Variants in SORCS2 observed in about 807,000 individuals in gnomAD.
SORCS2 encodes the protein VPS10 domain-containing receptor SorCS2.
SORCS2 carries 100 observed loss-of-function variants against 141.6 expected under a neutral mutation model. That is an observed-to-expected ratio of 0.71 (90% CI 0.60 to 0.83). SORCS2 has a LOEUF of 0.83. SORCS2 is among the 40% of genes least tolerant of loss of function. The probability of loss-of-function intolerance (pLI) is 0.00; values close to 1 mark genes in which losing one functional copy is unlikely to be tolerated. For synonymous variants in SORCS2, 789 were observed against 676.9 expected (o/e 1.17, Z -2.57); for missense variants, 1,646 against 1,560.2 (o/e 1.05, Z -0.93).
At chr4:7,676,632 T>TCTCTCTCC (rs201160972) in intron 9 of SORCS2, among the ~76,000 whole-genome samples, 1 of 151,182 alleles carries the variant, frequency 6.6e-6, no homozygotes. Flanking sequence ...GAGTGCCCCA[T>TCTCTCTCC]CTCTCTCCCT....
At chr4:7,660,449 A>G (rs1722085727) in intron 5 of SORCS2, among the ~76,000 whole-genome samples, 1 of 152,192 alleles carries the variant, frequency 6.6e-6, no homozygotes, top group Non-Finnish European at 1.5e-5. Context: ...GAACTCAGCC[A>G]CTTGGCAAAA....
intron 3 of SORCS2, among the ~76,000 whole-genome samples, chr4:7,533,825 A>G (rs75805775): frequency 0.037 from 5,632 of 152,292 alleles, 325 homozygotes; most frequent in African/African-American, 0.12. Flanking sequence ...CTGGCCTGTA[A>G]AGCGGGCAGG....
At chr4:7,502,899 G>A (rs1732060619) in intron 2 of SORCS2, among the ~76,000 whole-genome samples, 1 of 152,234 alleles carries the variant, frequency 6.6e-6, no homozygotes, top group African/African-American at 2.4e-5. Flanking sequence ...CTGTTAGGGT[G>A]TCAGTGACCC....
chr4:7,473,239 G>A (rs895633948), intron 2 of SORCS2, among the ~76,000 whole-genome samples: 1 of 152,148 alleles, frequency 6.6e-6, no homozygotes, highest in African/African-American at 2.4e-5. Context: ...GTAAGGGCTC[G>A]GGCTGCAGCC....
intron 1 of SORCS2, among the ~76,000 whole-genome samples, chr4:7,336,351 G>A (rs1457082848): frequency 2.6e-5 from 4 of 152,206 alleles, no homozygotes; most frequent in Admixed American, 6.5e-5. Flanking sequence ...CTGAGACTGC[G>A]ACTGCTGTCC....
intron 2 of SORCS2, among the ~76,000 whole-genome samples, chr4:7,440,749 C>A (rs1368871179): frequency 6.6e-6 from 1 of 152,218 alleles, no homozygotes; most frequent in Non-Finnish European, 1.5e-5. Context: ...CCTGGGGGAC[C>A]CTCCTGTCCC....
At chr4:7,630,102 G>C (rs921086719) in intron 3 of SORCS2, among the ~76,000 whole-genome samples, 4 of 152,174 alleles carry the variant, frequency 2.6e-5, no homozygotes, top group African/African-American at 9.7e-5. Context: ...CCTGCAGGCA[G>C]TCAGAAGTTG....
At chr4:7,355,779 C>T (rs1721216430) in intron 1 of SORCS2, among the ~76,000 whole-genome samples, 1 of 152,254 alleles carries the variant, frequency 6.6e-6, no homozygotes, top group Non-Finnish European at 1.5e-5. Context: ...GCCCGAGGAA[C>T]AGGAAGTGCC....
At chr4:7,278,202 C>G (rs182156440) in intron 1 of SORCS2, among the ~76,000 whole-genome samples, 1 of 151,236 alleles carries the variant, frequency 6.6e-6, no homozygotes, top group East Asian at 1.9e-4. Context: ...GTGTAAGTCC[C>G]CACCTGGTGG....
intron 2 of SORCS2, chr4:7,433,712 C>A (rs778796320): frequency 5.6e-6 from 9 of 1,613,110 alleles, no homozygotes; most frequent in Non-Finnish European, 7.6e-6. Flanking sequence ...CCCTGGTTCT[C>A]CGCGTCCCAC....
intron 2 of SORCS2, chr4:7,433,636 G>A (rs969794392): frequency 1.2e-6 from 2 of 1,610,682 alleles, no homozygotes; most frequent in African/African-American, 2.7e-5. Context: ...GTCTCGCTTG[G>A]TGCTCTTGCT....
At chr4:7,625,654 T>C (rs1235823800) in intron 3 of SORCS2, among the ~76,000 whole-genome samples, 1 of 147,642 alleles carries the variant, frequency 6.8e-6, no homozygotes, top group East Asian at 2.0e-4. Flanking sequence ...CACTCTTCAT[T>C]AACCCTTACA....
At chr4:7,276,181 T>C (rs1715489644) in intron 1 of SORCS2, among the ~76,000 whole-genome samples, 1 of 152,184 alleles carries the variant, frequency 6.6e-6, no homozygotes, top group Non-Finnish European at 1.5e-5. Flanking sequence ...GGGAAGGGGC[T>C]TGGGGGCTGT....
At chr4:7,265,758 C>T (rs571663812) in intron 1 of SORCS2, among the ~76,000 whole-genome samples, 1 of 152,298 alleles carries the variant, frequency 6.6e-6, no homozygotes, top group South Asian at 2.1e-4. Flanking sequence ...GCAAAGACCC[C>T]TTTTCCAAAT....
chr4:7,458,682 G>A (rs576562111), intron 2 of SORCS2, among the ~76,000 whole-genome samples: 1 of 152,188 alleles, frequency 6.6e-6, no homozygotes, highest in Non-Finnish European at 1.5e-5. Context: ...GGCCTAGGCT[G>A]GACAGGAGAC....
chr4:7,272,408 G>A (rs372235027), intron 1 of SORCS2, among the ~76,000 whole-genome samples: 1 of 152,236 alleles, frequency 6.6e-6, no homozygotes, highest in Non-Finnish European at 1.5e-5. Context: ...GAGATGTTAA[G>A]TTGTGGAAAA....
chr4:7,641,822 G>C (rs1032557183), intron 4 of SORCS2, among the ~76,000 whole-genome samples: 1 of 119,842 alleles, frequency 8.3e-6, no homozygotes, highest in African/African-American at 2.9e-5. Context: ...GGATGGGTGG[G>C]TGGATGGATG....
chr4:7,325,617 T>G (rs1416850630), intron 1 of SORCS2, among the ~76,000 whole-genome samples: 1 of 152,164 alleles, frequency 6.6e-6, no homozygotes, highest in Non-Finnish European at 1.5e-5. Flanking sequence ...GACTGTACTT[T>G]GCTGCGAGGT....
At chr4:7,377,444 C>T (rs897164704) in intron 1 of SORCS2, among the ~76,000 whole-genome samples, 4 of 152,186 alleles carry the variant, frequency 2.6e-5, no homozygotes, top group African/African-American at 4.8e-5. Flanking sequence ...TCCCAGCAGG[C>T]GCTCAACAGA....
Sources: gnomAD v4.1 joint callset for allele counts (sites outside exome capture counted in the v4.1 genomes callset) on GRCh38, gnomAD v4.1.1 for gene constraint, MANE v1.5 for transcripts, NCBI Gene and HGNC (gene_info 2026-07-23, HGNC 2026-07-21) for gene names.